Variants in DENND1A observed in about 807,000 individuals in gnomAD.
DENND1A encodes the protein DENN domain-containing protein 1A.
Under a neutral mutation model 113.7 loss-of-function variants are expected in DENND1A, and 51 were observed. That is an observed-to-expected ratio of 0.45 (90% confidence interval 0.36 to 0.57). The LOEUF is 0.57. DENND1A is among the 20% of genes least tolerant of loss of function. The probability of loss-of-function intolerance (pLI) is 0.00; values close to 1 mark genes in which losing one functional copy is unlikely to be tolerated. For missense variants in DENND1A, 1,258 were observed against 1,395.9 expected (o/e 0.90, Z 1.57); for synonymous variants, 565 against 570.8 (o/e 0.99, Z 0.14).
Position 123,887,045 on chromosome 9 carries a change from C to T in DENND1A, c.18-8024G>A, listed in dbSNP as rs924537016. Among the ~76,000 whole-genome samples, 26 of 152,098 alleles carry T rather than the reference C, an allele frequency of 1.7e-4. 1 individual carries two copies. The highest frequency in any genetic ancestry group is 1.6e-3 in the Admixed American group (24 of 15,268). ...AAGCAGAGAGACAAAGCCTGAACAC[C>T]CCTCAGCAATGTGCAGTACAACACA... On this transcript the variant is annotated intron_variant, in intron 1 of 23. Transcript: ENST00000394215.
intron 1 of DENND1A, among the ~76,000 whole-genome samples, chr9:123,881,223 G>A (rs2133594228): frequency 6.6e-6 from 1 of 152,228 alleles, no homozygotes; most frequent in Middle Eastern, 3.4e-3. Context: ...TTAAAAAATT[G>A]TTGTGCTCTT....
At position 123,703,545 on chromosome 9, in the gene DENND1A, C is replaced by T. The variant is rs910702381; in HGVS notation, c.303-26756G>A. ...TCAAAACACACTACTATAGAAAAAT[C>T]ACTCAACCACAAAGGAAACAGTAAG... On this transcript the variant is annotated intron_variant, in intron 5 of 23. Coordinates refer to ENST00000394215, the MANE Select transcript of DENND1A (RefSeq NM_001352964.2). Among the ~76,000 whole-genome samples, 3 of 152,062 alleles carry T rather than the reference C, an allele frequency of 2.0e-5. No individual in the cohort carries two copies. In the East Asian group the frequency reaches 5.8e-4, roughly 29 times the overall value.
intron 5 of DENND1A, among the ~76,000 whole-genome samples, chr9:123,733,294 T>C (rs2068319356): frequency 6.6e-6 from 1 of 151,958 alleles, no homozygotes; most frequent in African/African-American, 2.4e-5. Context: ...TTGTTTGTTT[T>C]TTAAAGACAG....
Position 123,381,402 on chromosome 9 carries a change from T to C in DENND1A, c.*30A>G. ...GCAGCAGTGGACGGACCCTCGGGCC[T>C]CGGTGCATCCCCCACCCTCAGGGCC... On this transcript the variant is annotated 3_prime_UTR_variant, in exon 24 of 24. Transcript: ENST00000394215. The surrounding 1 kb of genome is among the most constrained non-coding windows in gnomAD (Gnocchi z 4.7). The C allele has an allele frequency of 6.2e-7, 1 of 1,603,582 alleles. No homozygotes were observed. Among genetic ancestry groups the C allele is most frequent in the Non-Finnish European group, 8.5e-7 (1 of 1,173,660 alleles).
At chr9:123,544,955 G>A (rs992677117) in intron 13 of DENND1A, among the ~76,000 whole-genome samples, 8 of 151,618 alleles carry the variant, frequency 5.3e-5, no homozygotes, top group African/African-American at 2.4e-5. Flanking sequence ...AAAATTAGCC[G>A]GTCGTGGTGG....
intron 5 of DENND1A, among the ~76,000 whole-genome samples, chr9:123,704,423 A>T (rs979200507): frequency 6.6e-6 from 1 of 152,250 alleles, no homozygotes; most frequent in Non-Finnish European, 1.5e-5. Flanking sequence ...GCAGGGTACA[A>T]GCAAATATCT....
chr9:123,806,572 T>C (rs1233114384), intron 2 of DENND1A, among the ~76,000 whole-genome samples: 2 of 152,178 alleles, frequency 1.3e-5, no homozygotes, highest in East Asian at 1.9e-4. Context: ...ATACTGTTAA[T>C]AGAGTGAAAA....
Position 123,764,574 on chromosome 9 carries a change from A to G in DENND1A, c.182+4940T>C, listed in dbSNP as rs889497416. The stretch of plus-strand genomic sequence containing the variant: ...GGACCCAAAATATGAGGGGACCAAC[A>G]GTAAGTGACACACTTCGAGACAGAA... On this transcript the variant is annotated intron_variant, in intron 4 of 23. Transcript: ENST00000394215. This position sits in a 1 kb window ranked among gnomAD's most constrained non-coding sequence, Gnocchi z 4.1. Among the ~76,000 whole-genome samples the G allele has an allele frequency of 2.0e-5, 3 of 152,208 alleles. No individual in the cohort carries two copies. Among genetic ancestry groups the G allele is most frequent in the African/African-American group, 7.2e-5 (3 of 41,442 alleles).
chr9:123,488,729 G>A (rs1409445537), intron 13 of DENND1A, among the ~76,000 whole-genome samples: 2 of 152,156 alleles, frequency 1.3e-5, no homozygotes, highest in African/African-American at 2.4e-5. Flanking sequence ...AAAGCGAGAC[G>A]TTAACATTAC....
intron 5 of DENND1A, among the ~76,000 whole-genome samples, chr9:123,691,565 G>A (rs1374087434): frequency 4.0e-5 from 6 of 151,276 alleles, no homozygotes; most frequent in African/African-American, 1.5e-4. Flanking sequence ...TGGAGGGTGG[G>A]GATGGGTGGA....
At chr9:123,426,514 C>T (rs574648007) in intron 19 of DENND1A, among the ~76,000 whole-genome samples, 25 of 152,236 alleles carry the variant, frequency 1.6e-4, no homozygotes, top group African/African-American at 5.8e-4. Context: ...TAGAGCTCCT[C>T]GTGGCTGCTA....
At chr9:123,733,970 G>C (rs987446337) in intron 5 of DENND1A, among the ~76,000 whole-genome samples, 1 of 151,622 alleles carries the variant, frequency 6.6e-6, no homozygotes, top group African/African-American at 2.4e-5. Flanking sequence ...CAGGCCTCTT[G>C]TTTGCTTCTT....
At chr9:123,726,835 C>T (rs2067744086) in intron 5 of DENND1A, among the ~76,000 whole-genome samples, 1 of 152,144 alleles carries the variant, frequency 6.6e-6, no homozygotes, top group Non-Finnish European at 1.5e-5. Flanking sequence ...GAGACAGTTC[C>T]TGGAGCTTTC....
intron 1 of DENND1A, among the ~76,000 whole-genome samples, chr9:123,885,976 C>G (rs1007144366): frequency 6.6e-6 from 1 of 152,150 alleles, no homozygotes; most frequent in Non-Finnish European, 1.5e-5. Flanking sequence ...TGGGGTTTCA[C>G]CATGTTGCCC....
intron 21 of DENND1A, among the ~76,000 whole-genome samples, chr9:123,396,508 C>T (rs1241041329): frequency 1.3e-5 from 2 of 152,252 alleles, no homozygotes; most frequent in African/African-American, 2.4e-5. Context: ...CGTGCACAAG[C>T]GGCACGCCAG....
At chr9:123,779,510 T>TACAAA (rs1830932633) in intron 3 of DENND1A, among the ~76,000 whole-genome samples, 2 of 152,148 alleles carry the variant, frequency 1.3e-5, no homozygotes, top group African/African-American at 4.8e-5. Context: ...TTTTGTAAAA[T>TACAAA]ACAAAACAAA....
At chr9:123,384,713 C>A (rs1050773858) in intron 22 of DENND1A, among the ~76,000 whole-genome samples, 5 of 152,122 alleles carry the variant, frequency 3.3e-5, no homozygotes, top group East Asian at 1.9e-4. Context: ...TTTGGGAGGC[C>A]GAGGCGGGCG....
intron 13 of DENND1A, among the ~76,000 whole-genome samples, chr9:123,494,252 C>A (rs1003168728): frequency 6.6e-6 from 1 of 152,124 alleles, no homozygotes; most frequent in Non-Finnish European, 1.5e-5. Flanking sequence ...TCCAAAGGAA[C>A]CTGGAGCAGT....
chr9:123,703,343 A>G (rs1010809699), intron 5 of DENND1A, among the ~76,000 whole-genome samples: 6 of 152,242 alleles, frequency 3.9e-5, no homozygotes. Context: ...ATCAAATTTC[A>G]AAATGTCAGG....
Sources: allele counts gnomAD v4.1 joint callset (sites outside exome capture counted in the v4.1 genomes callset), GRCh38; gene constraint gnomAD v4.1.1; non-coding constraint Gnocchi (gnomAD v3.1); transcripts MANE v1.5; gene names NCBI Gene and HGNC (gene_info 2026-07-23, HGNC 2026-07-21).